THSD4: variants seen among roughly 807,000 people sequenced by gnomAD.
THSD4 encodes the protein thrombospondin type-1 domain-containing protein 4.
A neutral mutation model predicts 119.0 loss-of-function variants in THSD4; 69 were observed. The ratio of observed to expected loss-of-function variants is 0.58; its 90% CI spans 0.48 to 0.71. THSD4 has a LOEUF of 0.71. Among genes scored for constraint, THSD4 ranks in the 30% least tolerant of loss-of-function variants. The probability of loss-of-function intolerance (pLI) is 0.00; values close to 1 mark genes in which losing one functional copy is unlikely to be tolerated. For synonymous variants in THSD4, 524 were observed against 540.4 expected (o/e 0.97, Z 0.42); for missense variants, 1,393 against 1,391.1 (o/e 1.00, Z -0.02).
rs114521304 is a variant in THSD4 at position 71,100,539 on chromosome 15, C to T, written c.-80+3533C>T. On this transcript the variant is annotated intron_variant, in intron 1 of 17. Coordinates refer to the THSD4 transcript ENST00000355327. The stretch of plus-strand genomic sequence containing the variant: ...CATGAAAGACCCTGGGGCAGAGGAC[C>T]TAGTTTAGCCATGCCTGCATTCCTG... Among the ~76,000 whole-genome samples, 690 of 152,254 alleles carry T rather than the reference C, an allele frequency of 4.5e-3. 7 individuals carry two copies. The highest frequency in any genetic ancestry group is 0.016 in the African/African-American group (670 of 41,530).
chr15:71,541,850 A>G (rs1464529225), intron 7 of THSD4, among the ~76,000 whole-genome samples: 1 of 152,228 alleles, frequency 6.6e-6, no homozygotes, highest in Non-Finnish European at 1.5e-5. Flanking sequence ...GGTATGGAGC[A>G]CAAGGACACA....
At chr15:71,138,259 C>T (rs186637222) in intron 1 of THSD4, among the ~76,000 whole-genome samples, 2 of 152,252 alleles carry the variant, frequency 1.3e-5, no homozygotes, top group Admixed American at 1.3e-4. Flanking sequence ...GGAAAGCTAC[C>T]TTATGAAACC....
intron 4 of THSD4, among the ~76,000 whole-genome samples, chr15:71,219,373 T>A (rs1240722601): frequency 6.6e-6 from 1 of 152,160 alleles, no homozygotes; most frequent in East Asian, 1.9e-4. Context: ...ATTTTGGGAA[T>A]CAAATATTGT....
At chr15:71,454,752 C>A (rs1404753471) in intron 7 of THSD4, among the ~76,000 whole-genome samples, 1 of 152,226 alleles carries the variant, frequency 6.6e-6, no homozygotes, top group African/African-American at 2.4e-5. Context: ...TAGTTTCCCT[C>A]CCTTTGCAAT....
At chr15:71,742,980 G>A (rs1187201920) in intron 11 of THSD4, among the ~76,000 whole-genome samples, 1 of 152,124 alleles carries the variant, frequency 6.6e-6, no homozygotes, top group Admixed American at 6.5e-5. Flanking sequence ...ACTTGAACCC[G>A]GGAGGTGGAG....
In THSD4 at chr15:71,180,572, A is replaced by G. The variant is rs139926922; in HGVS notation, c.99+25640A>G. 8.2e-3 allele frequency among the ~76,000 whole-genome samples: 1,246 copies of G among 152,310 alleles called. 13 individuals are homozygous for G. Among genetic ancestry groups the G allele is most frequent in the Non-Finnish European group, 0.014 (943 of 68,024 alleles). ...CAAATATGTAATTGATTATGTGTCAATTATACCTCAATGAAACTGTTAAAA... is the reference window on the plus strand; with the variant it reads ...CAAATATGTAATTGATTATGTGTCAGTTATACCTCAATGAAACTGTTAAAA... On this transcript the variant is annotated intron_variant, in intron 3 of 17. Transcript: ENST00000261862.
intron 8 of THSD4, among the ~76,000 whole-genome samples, chr15:71,690,297 C>T (rs1171700476): frequency 6.6e-6 from 1 of 152,148 alleles, no homozygotes; most frequent in Admixed American, 6.5e-5. Context: ...CACAAAAGCC[C>T]AGAATCCTTG....
At chr15:71,639,160 A>G (rs2050806954) in intron 7 of THSD4, among the ~76,000 whole-genome samples, 1 of 152,342 alleles carries the variant, frequency 6.6e-6, no homozygotes, top group East Asian at 1.9e-4. Flanking sequence ...ATGTACCCAA[A>G]AAGTAGAGAA....
chr15:71,635,485 A>G (rs747846658), intron 7 of THSD4, among the ~76,000 whole-genome samples: 6 of 152,212 alleles, frequency 3.9e-5, no homozygotes, highest in South Asian at 2.1e-4. Context: ...ATTTTCTTTG[A>G]AAGAAAAAAG....
intron 7 of THSD4, among the ~76,000 whole-genome samples, chr15:71,659,225 C>CA (rs1433533000): frequency 1.3e-5 from 2 of 152,302 alleles, no homozygotes; most frequent in East Asian, 1.9e-4. Flanking sequence ...ATCCTGTACT[C>CA]ACAATATTTC....
At chr15:71,378,171 G>A (rs935516068) in intron 6 of THSD4, among the ~76,000 whole-genome samples, 2 of 152,144 alleles carry the variant, frequency 1.3e-5, no homozygotes, top group South Asian at 2.1e-4. Context: ...CTAAAGATTA[G>A]TGATGTGTAT....
chr15:71,376,479 C>T (rs1218770682), intron 6 of THSD4, among the ~76,000 whole-genome samples: 1 of 152,182 alleles, frequency 6.6e-6, no homozygotes, highest in Non-Finnish European at 1.5e-5. Context: ...GGCCAGACCA[C>T]CAACCCTTGT....
In THSD4 at chr15:71,762,178, C is replaced by CACACAGAG. The variant is rs55645600; in HGVS notation, c.2590-2841_2590-2840insCACAGAGA. ...ACACACACACACACACACACACACA[C>CACACAGAG]AGAGATAGAGATACACACACATGAA... On this transcript the variant is annotated intron_variant, in intron 15 of 17. Coordinates refer to ENST00000261862, the MANE Select transcript of THSD4 (RefSeq NM_024817.3). Among the ~76,000 whole-genome samples the CACACAGAG allele has an allele frequency of 6.3e-4, 93 of 147,600 alleles. 1 individual carries two copies. Among genetic ancestry groups the CACACAGAG allele is most frequent in the African/African-American group, 1.5e-3 (62 of 40,080 alleles).
chr15:71,193,623 A>C (rs1254877201), intron 3 of THSD4, among the ~76,000 whole-genome samples: 1 of 152,136 alleles, frequency 6.6e-6, no homozygotes, highest in Non-Finnish European at 1.5e-5. Context: ...TGTGGGAGGG[A>C]CCCGGTAGAG....
At chr15:71,568,911 C>T (rs1359872201) in intron 7 of THSD4, among the ~76,000 whole-genome samples, 2 of 152,148 alleles carry the variant, frequency 1.3e-5, no homozygotes, top group African/African-American at 4.8e-5. Context: ...TAAAATGTTT[C>T]CTCCTATGCA....
intron 13 of THSD4, 75 bp from the exon 14 acceptor site, chr15:71,748,346 G>A (rs1038601248): frequency 1.3e-6 from 2 of 1,563,468 alleles, no homozygotes; most frequent in South Asian, 2.4e-5. Flanking sequence ...CACAAAGGCT[G>A]CGGGCTCCAT....
intron 7 of THSD4, among the ~76,000 whole-genome samples, chr15:71,633,394 G>A (rs1358220904): frequency 6.7e-6 from 1 of 148,418 alleles, no homozygotes; most frequent in African/African-American, 2.5e-5. Flanking sequence ...TCCCATCTCA[G>A]CCTCCCCATT....
chr15:71,312,667 A>G (rs2045127997), intron 6 of THSD4, among the ~76,000 whole-genome samples: 1 of 152,096 alleles, frequency 6.6e-6, no homozygotes, highest in African/African-American at 2.4e-5. Context: ...GCCAAGCCAC[A>G]CATGATCAGT....
intron 7 of THSD4, among the ~76,000 whole-genome samples, chr15:71,657,541 TA>T (rs2051215409): frequency 6.6e-6 from 1 of 152,150 alleles, no homozygotes; most frequent in South Asian, 2.1e-4. Context: ...CTTTGTGAAG[TA>T]AAGGAGAGAT....
Sources: gnomAD v4.1 joint callset for allele counts (sites outside exome capture counted in the v4.1 genomes callset) on GRCh38, gnomAD v4.1.1 for gene constraint, MANE v1.5 for transcripts, NCBI Gene and HGNC (gene_info 2026-07-23, HGNC 2026-07-21) for gene names.